The following NBAS variants were observed in gnomAD, a reference collection of about 807,000 sequenced individuals.
The protein encoded by NBAS is NBAS subunit of NRZ tethering complex.
A neutral mutation model predicts 302.5 loss-of-function variants in NBAS; 219 were observed. That is an observed-to-expected ratio of 0.72 (90% CI 0.65 to 0.81). NBAS has a LOEUF of 0.81. Among genes scored for constraint, NBAS ranks in the 30% least tolerant of loss-of-function variants. NBAS has a pLI of 0.00. For missense variants in NBAS, 2,932 were observed against 2,841.6 expected, an observed-to-expected ratio of 1.03 and a Z score of -0.72; for synonymous variants, 1,118 against 1,021.6, an observed-to-expected ratio of 1.09 and a Z score of -1.80.
intron 46 of NBAS, among the ~76,000 whole-genome samples, 177 bp from the exon 47 acceptor site, chr2:15,232,688 G>C (rs1667430152): frequency 6.6e-6 from 1 of 152,180 alleles, no homozygotes; most frequent in African/African-American, 2.4e-5. Flanking sequence ...AGGTGCTAAT[G>C]AAACATTTTC....
At chr2:14,865,101 G>C in the NBAS span, among the ~76,000 whole-genome samples, 5 of 152,112 alleles carry the variant, frequency 3.3e-5, no homozygotes, top group Non-Finnish European at 5.9e-5. Context: ...ACCGCCTTCT[G>C]TTCTGGGCTT....
the NBAS span, among the ~76,000 whole-genome samples, chr2:15,052,485 C>T: frequency 6.6e-6 from 1 of 152,158 alleles, no homozygotes; most frequent in Admixed American, 6.5e-5. Flanking sequence ...GCTGTCGTCT[C>T]CCACCTCCCC....
At chr2:15,147,747 T>C in the NBAS span, among the ~76,000 whole-genome samples, 1 of 152,096 alleles carries the variant, frequency 6.6e-6, no homozygotes, top group Admixed American at 6.5e-5. Flanking sequence ...TTACTCATCA[T>C]CTCTCATTTA....
chr2:15,142,020 A>G, the NBAS span, among the ~76,000 whole-genome samples: 1 of 152,372 alleles, frequency 6.6e-6, no homozygotes, highest in Non-Finnish European at 1.5e-5. Context: ...TACAATCACA[A>G]AATTCATGTC....
the NBAS span, among the ~76,000 whole-genome samples, chr2:15,132,137 G>C: frequency 7.2e-5 from 11 of 152,178 alleles, no homozygotes; most frequent in African/African-American, 2.7e-4. Flanking sequence ...AATGTTTATA[G>C]CAGCTTTATT....
At chr2:14,981,376 A>C in the NBAS span, among the ~76,000 whole-genome samples, 6 of 152,252 alleles carry the variant, frequency 3.9e-5, no homozygotes, top group Non-Finnish European at 8.8e-5. Flanking sequence ...CAACCTATTC[A>C]TCAAATGGAA....
At chr2:14,982,970 C>A in the NBAS span, among the ~76,000 whole-genome samples, 1 of 152,056 alleles carries the variant, frequency 6.6e-6, no homozygotes, top group African/African-American at 2.4e-5. Context: ...GAAAGAGGAA[C>A]CAGGTACGGG....
intron 21 of NBAS, among the ~76,000 whole-genome samples, chr2:15,436,565 T>G (rs1314089831): frequency 6.6e-6 from 1 of 152,182 alleles, no homozygotes; most frequent in Non-Finnish European, 1.5e-5. Flanking sequence ...ATCATAAATA[T>G]GGCACGTTAA....
At chr2:15,370,382 C>T (rs894804065) in intron 31 of NBAS, among the ~76,000 whole-genome samples, 1 of 152,170 alleles carries the variant, frequency 6.6e-6, no homozygotes, top group Non-Finnish European at 1.5e-5. Context: ...CAGACTCAAC[C>T]TCCTAGGACA....
chr2:15,034,037 A>AGG, the NBAS span, among the ~76,000 whole-genome samples: 10,959 of 41,116 alleles, frequency 0.27, 1,327 homozygotes, highest in East Asian at 0.37. Flanking sequence ...GAGGAGGAGG[A>AGG]AGGAGGAGGA....
intron 41 of NBAS, among the ~76,000 whole-genome samples, chr2:15,290,558 A>T (rs986044705): frequency 6.6e-6 from 1 of 152,202 alleles, no homozygotes; most frequent in African/African-American, 2.4e-5. Flanking sequence ...CCTTCTAAGA[A>T]ACCGTGAACA....
chr2:15,038,569 TCTG>T, the NBAS span, among the ~76,000 whole-genome samples: 1 of 152,182 alleles, frequency 6.6e-6, no homozygotes, highest in East Asian at 1.9e-4. Flanking sequence ...GCCACAGACA[TCTG>T]CTGCCTGGTG....
At chr2:15,047,434 T>G in the NBAS span, among the ~76,000 whole-genome samples, 1 of 151,972 alleles carries the variant, frequency 6.6e-6, no homozygotes, top group Non-Finnish European at 1.5e-5. Flanking sequence ...AGGTAAAGGC[T>G]GGGCTTATGC....
chr2:14,888,967 C>T, the NBAS span, among the ~76,000 whole-genome samples: 4 of 152,224 alleles, frequency 2.6e-5, no homozygotes, highest in Admixed American at 6.5e-5. Context: ...CTTCACTTCC[C>T]GCGGGCCTGT....
the NBAS span, among the ~76,000 whole-genome samples, chr2:14,780,541 T>C: frequency 6.0e-4 from 92 of 152,332 alleles, no homozygotes; most frequent in African/African-American, 2.1e-3. Context: ...ATGCAAAGAT[T>C]TGGTAATCGT....
the NBAS span, among the ~76,000 whole-genome samples, chr2:14,913,964 T>C: frequency 6.6e-6 from 1 of 152,192 alleles, no homozygotes; most frequent in Non-Finnish European, 1.5e-5. Flanking sequence ...CTGGGTGATT[T>C]ATAAATAAAG....
At chr2:15,282,611 A>C (rs1294302362) in intron 42 of NBAS, among the ~76,000 whole-genome samples, 6 of 152,296 alleles carry the variant, frequency 3.9e-5, no homozygotes, top group Admixed American at 2.0e-4. Flanking sequence ...ACATTGAAGA[A>C]GGTGCTATTA....
At chr2:15,546,750 T>C (rs1664137374) in intron 6 of NBAS, among the ~76,000 whole-genome samples, 1 of 152,156 alleles carries the variant, frequency 6.6e-6, no homozygotes, top group Non-Finnish European at 1.5e-5. Context: ...AAAAAACAAG[T>C]CTGGGTGTTT....
In NBAS at chr2:15,474,120, AGTTTTTAGTAATG is replaced by A. The variant is rs775395168; in HGVS notation, c.1533_1545del (p.Ile512ThrfsTer4). The A allele has an allele frequency of 2.9e-5, 47 of 1,614,100 alleles. No individual in the cohort carries two copies. Among genetic ancestry groups the A allele is most frequent in the Admixed American group, 6.7e-5 (4 of 60,006 alleles). On this transcript the variant is annotated frameshift_variant, in exon 15 of 52. Transcript: ENST00000281513. LOFTEE classifies it high-confidence loss of function. ...GTGGAGCGCAAACTCACAAGGCGGT[AGTTTTTAGTAATG>A]GTTCGTGGGCGTTTCCGTGGTGGTG...
Sources: allele counts gnomAD v4.1 joint callset (sites outside exome capture counted in the v4.1 genomes callset), GRCh38; gene constraint gnomAD v4.1.1; transcripts MANE v1.5; gene names NCBI Gene and HGNC (gene_info 2026-07-23, HGNC 2026-07-21).